NAALADL2: variants seen among roughly 807,000 people sequenced by gnomAD.
The protein encoded by NAALADL2 is N-acetylated alpha-linked acidic dipeptidase like 2, also known as inactive N-acetylated-alpha-linked acidic dipeptidase-like protein 2.
Under a neutral mutation model 87.2 loss-of-function variants are expected in NAALADL2, and 76 were observed. The ratio of observed to expected loss-of-function variants is 0.87; its 90% confidence interval spans 0.72 to 1.05. The LOEUF (loss-of-function observed/expected upper bound fraction) is 1.05. NAALADL2 is among the 50% of genes least tolerant of loss of function. The pLI is 0.00. For missense variants in NAALADL2, 1,089 were observed against 945.8 expected, an observed-to-expected ratio of 1.15 and a Z score of -1.99; for synonymous variants, 354 against 331.0, an observed-to-expected ratio of 1.07 and a Z score of -0.75.
chr3:175,368,065 A>C (rs1276525348), intron 5 of NAALADL2, among the ~76,000 whole-genome samples: 1 of 152,128 alleles, frequency 6.6e-6, no homozygotes, highest in Non-Finnish European at 1.5e-5. Context: ...TTTAGCATGA[A>C]GCGTTGTTGA....
At chr3:174,647,171 A>G (rs543183671) in intron 2 of NAALADL2, among the ~76,000 whole-genome samples, 2 of 152,212 alleles carry the variant, frequency 1.3e-5, no homozygotes, top group Non-Finnish European at 2.9e-5. Context: ...TCACAGCAAC[A>G]CTATAATGTA....
At chr3:175,464,673 C>A (rs1723707456) in intron 7 of NAALADL2, among the ~76,000 whole-genome samples, 1 of 152,122 alleles carries the variant, frequency 6.6e-6, no homozygotes, top group East Asian at 1.9e-4. Flanking sequence ...TAGTTGCTAG[C>A]TCAGAATTTT....
intron 9 of NAALADL2, among the ~76,000 whole-genome samples, chr3:175,567,502 G>C (rs1490618888): frequency 6.6e-6 from 1 of 151,892 alleles, no homozygotes; most frequent in Non-Finnish European, 1.5e-5. Context: ...ACAAGATTAA[G>C]GTCGTATAAA....
chr3:174,513,899 G>C (rs972669584), intron 1 of NAALADL2, among the ~76,000 whole-genome samples: 4 of 152,132 alleles, frequency 2.6e-5, no homozygotes, highest in Admixed American at 6.5e-5. Flanking sequence ...TTCCTTCAGC[G>C]TCATGTCTTG....
intron 3 of NAALADL2, among the ~76,000 whole-genome samples, chr3:174,824,555 G>A (rs961183867): frequency 6.6e-6 from 1 of 152,120 alleles, no homozygotes; most frequent in Non-Finnish European, 1.5e-5. Flanking sequence ...GTATTTACAA[G>A]ATTTTATATA....
chr3:175,739,987 G>A (rs188016697), intron 12 of NAALADL2, among the ~76,000 whole-genome samples: 135 of 152,138 alleles, frequency 8.9e-4, no homozygotes, highest in African/African-American at 3.0e-3. Flanking sequence ...TGTAAATTTC[G>A]GATTCATCCT....
At chr3:175,390,162 T>C (rs1242162959) in intron 5 of NAALADL2, among the ~76,000 whole-genome samples, 3 of 152,090 alleles carry the variant, frequency 2.0e-5, no homozygotes, top group African/African-American at 7.2e-5. Flanking sequence ...TTTAAAAGTG[T>C]TCAGGTAATG....
intron 2 of NAALADL2, among the ~76,000 whole-genome samples, chr3:174,710,408 C>T (rs1307381498): frequency 1.3e-5 from 2 of 151,940 alleles, no homozygotes; most frequent in African/African-American, 4.8e-5. Flanking sequence ...GAATGCACCA[C>T]CACACCCGGC....
Position 175,806,300 on chromosome 3 carries a change from GAC to G in NAALADL2, c.*3099_*3100del, listed in dbSNP as rs1318081005. Reference sequence around the variant, plus strand: ...CAGAACACCAGAAGTCAGGAAGAAGGACATTGAGCAAAATATATCTGTAAGAG... The same window carrying G: ...CAGAACACCAGAAGTCAGGAAGAAGGATTGAGCAAAATATATCTGTAAGAG... On this transcript the variant is annotated 3_prime_UTR_variant, in exon 14 of 14. Transcript: ENST00000454872. 6.6e-6 allele frequency: 1 copy of G among 151,810 alleles called. No individual in the cohort carries two copies. The highest frequency in any genetic ancestry group is 1.9e-4 in the East Asian group (1 of 5,182). 9.4% of individuals were successfully genotyped at this position (151,810 alleles called of 1,614,324 possible).
At chr3:174,481,287 C>T (rs566224965) in intron 1 of NAALADL2, among the ~76,000 whole-genome samples, 3 of 152,024 alleles carry the variant, frequency 2.0e-5, no homozygotes, top group South Asian at 2.1e-4. Context: ...AATGTGAAGC[C>T]GCCATATATT....
intron 2 of NAALADL2, among the ~76,000 whole-genome samples, chr3:174,571,409 T>A (rs1388495421): frequency 6.6e-6 from 1 of 152,092 alleles, no homozygotes; most frequent in African/African-American, 2.4e-5. Flanking sequence ...AGAGTTTCGC[T>A]CTTTTTGCCC....
intron 9 of NAALADL2, among the ~76,000 whole-genome samples, chr3:175,538,326 G>A (rs1711636894): frequency 6.6e-6 from 1 of 151,558 alleles, no homozygotes; most frequent in African/African-American, 2.4e-5. Context: ...ACCTAAAACA[G>A]GGTATAAAAT....
At chr3:174,594,497 T>G (rs902203899) in intron 2 of NAALADL2, among the ~76,000 whole-genome samples, 2 of 152,190 alleles carry the variant, frequency 1.3e-5, no homozygotes, top group Non-Finnish European at 2.9e-5. Flanking sequence ...TTCTTCTTCC[T>G]CATACTTTAC....
intron 1 of NAALADL2, among the ~76,000 whole-genome samples, chr3:175,043,989 A>C (rs1246518683): frequency 6.6e-6 from 1 of 152,120 alleles, no homozygotes; most frequent in Non-Finnish European, 1.5e-5. Context: ...TGAAAATGTT[A>C]ATTCTTCCAA....
chr3:175,574,451 ACT>A (rs1298283339), intron 9 of NAALADL2, among the ~76,000 whole-genome samples: 1 of 151,914 alleles, frequency 6.6e-6, no homozygotes, highest in Non-Finnish European at 1.5e-5. Flanking sequence ...TGTTCCCAGA[ACT>A]CTCTGTCAAA....
intron 1 of NAALADL2, among the ~76,000 whole-genome samples, chr3:174,875,521 T>G (rs571671447): frequency 2.6e-5 from 4 of 152,280 alleles, no homozygotes; most frequent in Admixed American, 2.6e-4. Context: ...TTGATAGTAA[T>G]CAGTAATCTC....
At chr3:175,711,154 A>G (rs1740477808) in intron 11 of NAALADL2, among the ~76,000 whole-genome samples, 1 of 151,934 alleles carries the variant, frequency 6.6e-6, no homozygotes, top group South Asian at 2.1e-4. Flanking sequence ...CCGCTTTAGA[A>G]TAATCACTAG....
At chr3:175,223,599 G>A (rs1479731301) in intron 2 of NAALADL2, among the ~76,000 whole-genome samples, 1 of 152,088 alleles carries the variant, frequency 6.6e-6, no homozygotes, top group African/African-American at 2.4e-5. Context: ...AGATAGGCAT[G>A]TGAATACTTC....
chr3:174,620,670 A>G (rs973402097), intron 2 of NAALADL2, among the ~76,000 whole-genome samples: 2 of 152,084 alleles, frequency 1.3e-5, no homozygotes, highest in African/African-American at 4.8e-5. Context: ...ACAAAACTGA[A>G]CTAGGAAAAT....
Sources: allele counts gnomAD v4.1 joint callset (sites outside exome capture counted in the v4.1 genomes callset), GRCh38; gene constraint gnomAD v4.1.1; transcripts MANE v1.5; gene names NCBI Gene and HGNC (gene_info 2026-07-23, HGNC 2026-07-21).